The following DCP1A variants were observed in gnomAD, a reference collection of about 807,000 sequenced individuals.
DCP1A encodes the protein decapping mRNA 1A, also known as mRNA-decapping enzyme 1A.
A neutral mutation model predicts 58.0 loss-of-function variants in DCP1A; 20 were observed. The observed-to-expected ratio is 0.34, with a 90% confidence interval of 0.24 to 0.50. The LOEUF is 0.50. Ranked by LOEUF, DCP1A falls within the 20% of genes least tolerant of loss-of-function variation. DCP1A has a pLI of 0.98. For missense variants in DCP1A, 613 were observed against 712.2 expected (o/e 0.86, Z 1.59); for synonymous variants, 285 against 275.1 (o/e 1.04, Z -0.36).
At chr3:53,304,938 G>A (rs1178132846) in intron 5 of DCP1A, among the ~76,000 whole-genome samples, 4 of 152,060 alleles carry the variant, frequency 2.6e-5, no homozygotes, top group East Asian at 1.9e-4. Flanking sequence ...TTAAGGGGGT[G>A]TACAGTTCTA....
At chr3:53,330,070 CTCTGGTAGATCAGACTGTCACTGTTACTA>C (rs2088958193) in intron 3 of DCP1A, among the ~76,000 whole-genome samples, 2 of 152,186 alleles carry the variant, frequency 1.3e-5, no homozygotes, top group Non-Finnish European at 2.9e-5. Context: ...CTTACTGTCT[CTCTGGTAGATCAGACTGTCACTGTTACTA>C]GCCCAGTCAT....
At chr3:53,339,019 T>G (rs2089161875) in intron 3 of DCP1A, among the ~76,000 whole-genome samples, 2 of 152,166 alleles carry the variant, frequency 1.3e-5, no homozygotes, top group Non-Finnish European at 2.9e-5. Flanking sequence ...ATGGGTCAGG[T>G]GTCTTGATGG....
At chr3:53,347,316 A>G in intron 1 of DCP1A, 67 bp downstream of exon 1, 15 of 1,429,910 alleles carry the variant, frequency 1.0e-5, no homozygotes, top group Non-Finnish European at 1.4e-5. Flanking sequence ...CCCCACAGTA[A>G]CCCGCGCGGC....
Position 53,283,686 on chromosome 3 carries a change from A to G in DCP1A, c.*3894T>C, listed in dbSNP as rs1011012836. 2 of 152,260 alleles carry G rather than the reference A, an allele frequency of 1.3e-5. No individual in the cohort carries two copies. The highest frequency in any genetic ancestry group is 2.9e-5 in the Non-Finnish European group (2 of 68,048). 9.4% of individuals were successfully genotyped at this position (152,260 alleles called of 1,614,324 possible). On this transcript the variant is annotated 3_prime_UTR_variant, in exon 10 of 10. Transcript: ENST00000610213. ...AGAATCTGGTACAATGAAAGTCATG[A>G]GAGCCACATGGCCAAAGCAGTAATA...
At chr3:53,328,134 AAG>A (rs1419543708) in intron 3 of DCP1A, among the ~76,000 whole-genome samples, 1 of 152,058 alleles carries the variant, frequency 6.6e-6, no homozygotes, top group East Asian at 1.9e-4. Context: ...AAAAAAAAAA[AAG>A]AAAAGAAAAA....
At chr3:53,330,289 T>A (rs1642899966) in intron 3 of DCP1A, among the ~76,000 whole-genome samples, 1 of 152,148 alleles carries the variant, frequency 6.6e-6, no homozygotes, top group African/African-American at 2.4e-5. Context: ...CCTAGCACTT[T>A]GGGAGGCTGA....
At chr3:53,293,150 C>G (rs906089166) in intron 6 of DCP1A, among the ~76,000 whole-genome samples, 1 of 152,098 alleles carries the variant, frequency 6.6e-6, no homozygotes, top group African/African-American at 2.4e-5. Flanking sequence ...GGAAATGACA[C>G]TAGAGGAGAC....
At chr3:53,345,039 GTTTCA>G (rs2089275764) in intron 1 of DCP1A, 97 bp from the exon 2 acceptor site, 2 of 928,152 alleles carry the variant, frequency 2.2e-6, no homozygotes, top group Non-Finnish European at 1.7e-6. Flanking sequence ...AGATCAACTT[GTTTCA>G]TTTCATCTAT....
intron 3 of DCP1A, among the ~76,000 whole-genome samples, chr3:53,327,141 G>A (rs1457490794): frequency 6.6e-6 from 1 of 152,154 alleles, no homozygotes; most frequent in African/African-American, 2.4e-5. Context: ...TAGGGATCTG[G>A]GAAATAGGTC....
intron 1 of DCP1A, among the ~76,000 whole-genome samples, chr3:53,345,916 T>C (rs1383212047): frequency 6.6e-6 from 1 of 152,160 alleles, no homozygotes; most frequent in African/African-American, 2.4e-5. Flanking sequence ...TACAACTCAC[T>C]GTAAAATAAT....
intron 6 of DCP1A, among the ~76,000 whole-genome samples, chr3:53,297,533 G>A (rs1187502129): frequency 6.6e-6 from 1 of 151,932 alleles, no homozygotes; most frequent in Non-Finnish European, 1.5e-5. Flanking sequence ...GTTAATTTTT[G>A]TATTTTTAGT....
intron 6 of DCP1A, among the ~76,000 whole-genome samples, chr3:53,295,952 G>C (rs895136786): frequency 1.3e-5 from 2 of 151,250 alleles, no homozygotes; most frequent in African/African-American, 4.9e-5. Flanking sequence ...AAGTGCGGTG[G>C]CGTGACCTCG....
chr3:53,339,509 G>A (rs782356436), intron 3 of DCP1A, among the ~76,000 whole-genome samples: 43 of 152,140 alleles, frequency 2.8e-4, no homozygotes, highest in Middle Eastern at 6.8e-3. Context: ...TTTTAATGCC[G>A]ACCCCAGGTT....
chr3:53,315,741 G>GTTTTTTT (rs1553689168), intron 4 of DCP1A, among the ~76,000 whole-genome samples: 2 of 75,648 alleles, frequency 2.6e-5, no homozygotes, highest in Non-Finnish European at 5.5e-5. Flanking sequence ...AAATCAGTTT[G>GTTTTTTT]TTGTTTTTTT....
chr3:53,283,695 T>C lies in DCP1A; in HGVS notation c.*3885A>G, dbSNP rs1706516951. 6.6e-6 allele frequency: 1 copy of C among 152,194 alleles called. No homozygotes were observed. Among genetic ancestry groups the C allele is most frequent in the Non-Finnish European group, 1.5e-5 (1 of 68,046 alleles). The allele number at this position is 152,194 out of a possible 1,614,324, so 9.4% of individuals were successfully genotyped here. The stretch of plus-strand genomic sequence containing the variant: ...TACAATGAAAGTCATGAGAGCCACA[T>C]GGCCAAAGCAGTAATACAGAATAAA... On this transcript the variant is annotated 3_prime_UTR_variant, in exon 10 of 10. Transcript: ENST00000610213.
chr3:53,293,228 C>T (rs1242611049), intron 6 of DCP1A, among the ~76,000 whole-genome samples: 4 of 152,164 alleles, frequency 2.6e-5, no homozygotes, highest in Non-Finnish European at 4.4e-5. Flanking sequence ...ACGCTAGGCA[C>T]TGGACCTCAG....
At chr3:53,315,749 TTTTTTTTG>T (rs1559694467) in intron 4 of DCP1A, among the ~76,000 whole-genome samples, 1 of 104,368 alleles carries the variant, frequency 9.6e-6, no homozygotes, top group Non-Finnish European at 1.8e-5. Context: ...TTGTTGTTTT[TTTTTTTTG>T]TTTTTTTTTT....
intron 3 of DCP1A, among the ~76,000 whole-genome samples, chr3:53,322,019 A>G (rs1052264394): frequency 3.9e-5 from 6 of 152,250 alleles, no homozygotes; most frequent in Non-Finnish European, 7.3e-5. Context: ...TATAACTATT[A>G]TTTGAATTCT....
At chr3:53,338,428 C>T (rs1290833001) in intron 3 of DCP1A, among the ~76,000 whole-genome samples, 1 of 151,750 alleles carries the variant, frequency 6.6e-6, no homozygotes, top group African/African-American at 2.4e-5. Flanking sequence ...TGAAAACAAC[C>T]ACCACCACCA....
Sources: gnomAD v4.1 joint callset for allele counts (sites outside exome capture counted in the v4.1 genomes callset) on GRCh38, gnomAD v4.1.1 for gene constraint, MANE v1.5 for transcripts, NCBI Gene and HGNC (gene_info 2026-07-23, HGNC 2026-07-21) for gene names.